The following MACROD2 variants were observed in gnomAD, a reference collection of about 807,000 sequenced individuals.
MACROD2 encodes the protein mono-ADP ribosylhydrolase 2.
A neutral mutation model predicts 70.4 loss-of-function variants in MACROD2; 36 were observed. The observed-to-expected ratio is 0.51, with a 90% CI of 0.39 to 0.68. The LOEUF is 0.68. Among genes scored for constraint, MACROD2 ranks in the 30% least tolerant of loss-of-function variants. MACROD2 has a pLI of 0.00. For missense variants in MACROD2, 496 were observed against 538.4 expected (o/e 0.92, Z 0.78); for synonymous variants, 172 against 178.8 (o/e 0.96, Z 0.30).
In MACROD2 at chr20:15,967,646, CT is replaced by C; in HGVS notation, c.985+19del. The C allele has an allele frequency of 8.3e-7, 1 of 1,205,822 alleles. No individual in the cohort carries two copies. Among genetic ancestry groups the C allele is most frequent in the Non-Finnish European group, 1.2e-6 (1 of 867,702 alleles). The allele number at this position is 1,205,822 out of a possible 1,614,324, so 74.7% of individuals were successfully genotyped here. ...CATCCCGATGGTAGGTTGTGAAATC[CT>C]TTATTAGATTTTCTTTTCTTCTGCT... On this transcript the variant is annotated intron_variant, in intron 13 of 17. Transcript: ENST00000684519.
chr20:15,210,325 T>G (rs539339014), intron 5 of MACROD2, among the ~76,000 whole-genome samples: 2 of 152,228 alleles, frequency 1.3e-5, no homozygotes, highest in Admixed American at 6.5e-5. Context: ...TCTGACTCTT[T>G]CCAGTAGCAC....
chr20:14,457,924 A>C (rs1300363662), intron 3 of MACROD2, among the ~76,000 whole-genome samples: 3 of 152,004 alleles, frequency 2.0e-5, no homozygotes, highest in Non-Finnish European at 4.4e-5. Context: ...ACATGGTGAA[A>C]CCTCATCTCT....
intron 5 of MACROD2, among the ~76,000 whole-genome samples, chr20:15,166,614 A>G (rs1240020969): frequency 6.6e-6 from 1 of 152,184 alleles, no homozygotes; most frequent in African/African-American, 2.4e-5. Flanking sequence ...ATAGAAACAA[A>G]AAAAAAGTAT....
chr20:15,540,250 G>A (rs60590833), intron 8 of MACROD2, among the ~76,000 whole-genome samples: 2,595 of 152,282 alleles, frequency 0.017, 72 homozygotes, highest in African/African-American at 0.059. Flanking sequence ...ACCGTGACTA[G>A]CCTTAAATGT....
intron 8 of MACROD2, among the ~76,000 whole-genome samples, chr20:15,513,719 A>T (rs2047531405): frequency 6.6e-6 from 1 of 152,214 alleles, no homozygotes; most frequent in African/African-American, 2.4e-5. Context: ...CTTCATTACC[A>T]ATAAAAGTAA....
At chr20:14,179,587 A>G (rs1448896068) in intron 3 of MACROD2, among the ~76,000 whole-genome samples, 3 of 152,236 alleles carry the variant, frequency 2.0e-5, no homozygotes, top group Non-Finnish European at 2.9e-5. Context: ...TAGAAACACA[A>G]AGATGAGTAA....
chr20:15,052,107 T>G (rs2075447020), intron 5 of MACROD2, among the ~76,000 whole-genome samples: 1 of 152,126 alleles, frequency 6.6e-6, no homozygotes, highest in Non-Finnish European at 1.5e-5. Context: ...CCTGACTGAG[T>G]TCCTTCTCTG....
intron 8 of MACROD2, among the ~76,000 whole-genome samples, chr20:15,781,669 C>T (rs907065413): frequency 6.6e-6 from 1 of 152,110 alleles, no homozygotes; most frequent in East Asian, 1.9e-4. Flanking sequence ...GAGGAGGCCT[C>T]ATGACCTAAT....
At chr20:14,124,484 T>C (rs976062789) in intron 3 of MACROD2, among the ~76,000 whole-genome samples, 7 of 152,196 alleles carry the variant, frequency 4.6e-5, no homozygotes, top group Non-Finnish European at 1.0e-4. Context: ...ATTGTTTTAT[T>C]TAAACATTTC....
intron 8 of MACROD2, among the ~76,000 whole-genome samples, chr20:15,637,213 A>G (rs377396665): frequency 3.1e-4 from 21 of 68,556 alleles, no homozygotes; most frequent in African/African-American, 8.4e-4. Context: ...CCTGATATTT[A>G]CTTGCTGTAT....
At chr20:14,172,285 C>T (rs192159880) in intron 3 of MACROD2, among the ~76,000 whole-genome samples, 8 of 145,734 alleles carry the variant, frequency 5.5e-5, no homozygotes, top group African/African-American at 2.0e-4. Context: ...AGTTCTTATC[C>T]ATTCTGCCAT....
intron 2 of MACROD2, among the ~76,000 whole-genome samples, chr20:14,044,957 C>A (rs953591182): frequency 1.1e-4 from 16 of 152,236 alleles, no homozygotes; most frequent in African/African-American, 3.4e-4. Context: ...GGCTGCAGGT[C>A]CCAAGCCCTG....
intron 3 of MACROD2, among the ~76,000 whole-genome samples, chr20:14,384,501 A>G (rs1600184542): frequency 6.6e-6 from 1 of 152,212 alleles, no homozygotes; most frequent in East Asian, 1.9e-4. Flanking sequence ...TCTGGTGTAG[A>G]TATTTACTGG....
chr20:15,956,584 G>C (rs952991347), intron 12 of MACROD2, among the ~76,000 whole-genome samples: 2 of 152,136 alleles, frequency 1.3e-5, no homozygotes. Context: ...ACACAAAAAC[G>C]AAATGCATAC....
intron 5 of MACROD2, among the ~76,000 whole-genome samples, chr20:15,091,840 G>A (rs2075795207): frequency 6.6e-6 from 1 of 152,022 alleles, no homozygotes; most frequent in Non-Finnish European, 1.5e-5. Flanking sequence ...ACTTTATCTG[G>A]CAATGCATTA....
At chr20:14,807,324 A>C (rs1040727785) in intron 5 of MACROD2, among the ~76,000 whole-genome samples, 9 of 151,888 alleles carry the variant, frequency 5.9e-5, no homozygotes, top group African/African-American at 2.2e-4. Context: ...AACCCAAAAA[A>C]CTCCAGAAGA....
intron 5 of MACROD2, among the ~76,000 whole-genome samples, chr20:14,954,787 A>G (rs1321494295): frequency 1.0e-5 from 1 of 96,616 alleles, no homozygotes; most frequent in Non-Finnish European, 1.9e-5. Flanking sequence ...AATTATAAAT[A>G]TATAAATATA....
intron 3 of MACROD2, among the ~76,000 whole-genome samples, chr20:14,200,849 C>T (rs1010694373): frequency 1.3e-5 from 2 of 151,090 alleles, no homozygotes; most frequent in Non-Finnish European, 3.0e-5. Context: ...TTATTCATGC[C>T]TTTTTGCCTG....
chr20:14,694,449 T>C (rs1369481579), intron 5 of MACROD2, among the ~76,000 whole-genome samples: 1 of 152,214 alleles, frequency 6.6e-6, no homozygotes, highest in Non-Finnish European at 1.5e-5. Context: ...AGGTACTGCC[T>C]CTCTTAGTCT....
Sources: allele counts gnomAD v4.1 joint callset (sites outside exome capture counted in the v4.1 genomes callset), GRCh38; gene constraint gnomAD v4.1.1; transcripts MANE v1.5; gene names NCBI Gene and HGNC (gene_info 2026-07-23, HGNC 2026-07-21).